The following KIF6 variants were observed in gnomAD, a reference collection of about 807,000 sequenced individuals.
The protein encoded by KIF6 is kinesin family member 6, also known as kinesin-like protein KIF6.
Under a neutral mutation model 112.7 loss-of-function variants are expected in KIF6, and 106 were observed. The observed-to-expected ratio is 0.94, with a 90% CI of 0.80 to 1.11. The LOEUF (loss-of-function observed/expected upper bound fraction) is 1.11. Among genes scored for constraint, KIF6 ranks in the 50% least tolerant of loss-of-function variants. The pLI, the probability that KIF6 is intolerant of heterozygous loss-of-function variation, is 0.00. For missense variants in KIF6, 929 were observed against 964.0 expected (o/e 0.96, Z 0.48); for synonymous variants, 339 against 339.9 (o/e 1.00, Z 0.03).
At chr6:39,397,123 C>T (rs1381553281) in intron 15 of KIF6, among the ~76,000 whole-genome samples, 1 of 152,072 alleles carries the variant, frequency 6.6e-6, no homozygotes, top group Non-Finnish European at 1.5e-5. Context: ...TCGCTGACTC[C>T]AACTTTTTAC....
chr6:39,692,192 C>G (rs1380205688), intron 3 of KIF6, among the ~76,000 whole-genome samples: 2 of 152,170 alleles, frequency 1.3e-5, no homozygotes, highest in Admixed American at 1.3e-4. Context: ...CAGGAAATAA[C>G]TCTTTACTGT....
intron 15 of KIF6, among the ~76,000 whole-genome samples, chr6:39,386,845 C>T (rs921250020): frequency 6.6e-6 from 1 of 152,138 alleles, no homozygotes; most frequent in African/African-American, 2.4e-5. Context: ...TGGCATGTCC[C>T]ATTTGGGGGA....
intron 19 of KIF6, among the ~76,000 whole-genome samples, chr6:39,354,683 C>G (rs1176318133): frequency 6.6e-6 from 1 of 152,164 alleles, no homozygotes; most frequent in Non-Finnish European, 1.5e-5. Flanking sequence ...TGGGAAAGCC[C>G]TTGAGAGAGT....
chr6:39,528,635 G>T (rs1777873549), intron 13 of KIF6, among the ~76,000 whole-genome samples: 1 of 152,148 alleles, frequency 6.6e-6, no homozygotes, highest in Non-Finnish European at 1.5e-5. Context: ...CCCAACACTT[G>T]TCATCTCTTG....
At chr6:39,368,784 G>T (rs899766127) in intron 16 of KIF6, among the ~76,000 whole-genome samples, 1 of 152,226 alleles carries the variant, frequency 6.6e-6, no homozygotes, top group African/African-American at 2.4e-5. Context: ...AGAAGATGAT[G>T]TTGAAATTTC....
chr6:39,364,258 G>A (rs1446094193), intron 16 of KIF6, among the ~76,000 whole-genome samples: 1 of 151,894 alleles, frequency 6.6e-6, no homozygotes, highest in Non-Finnish European at 1.5e-5. Flanking sequence ...GTGTGGTAGT[G>A]GTATGGTGCA....
chr6:39,631,678 T>A (rs1582317039), intron 5 of KIF6, among the ~76,000 whole-genome samples: 1 of 152,046 alleles, frequency 6.6e-6, no homozygotes, highest in African/African-American at 2.4e-5. Context: ...TTTTTGAGCC[T>A]ATGTTCATGA....
At chr6:39,525,618 G>T (rs1356615246) in intron 13 of KIF6, among the ~76,000 whole-genome samples, 1 of 151,944 alleles carries the variant, frequency 6.6e-6, no homozygotes, top group Admixed American at 6.6e-5. Flanking sequence ...AGCTGGGCAT[G>T]GTGGTGGGTA....
chr6:39,496,126 T>G (rs1183588097), intron 13 of KIF6, among the ~76,000 whole-genome samples: 2 of 152,236 alleles, frequency 1.3e-5, no homozygotes, highest in East Asian at 3.9e-4. Flanking sequence ...CTAAACTGCC[T>G]GCTCTGCTTC....
At chr6:39,620,433 A>G (rs905821010) in intron 5 of KIF6, 9 of 152,204 alleles carry the variant, frequency 5.9e-5, no homozygotes, top group Non-Finnish European at 5.9e-5. Flanking sequence ...TAATTCTGGA[A>G]AACCATAGCA....
chr6:39,666,828 C>T (rs552938826), intron 3 of KIF6, among the ~76,000 whole-genome samples: 15 of 152,258 alleles, frequency 9.9e-5, no homozygotes, highest in Middle Eastern at 3.4e-3. Context: ...TTGCAGCACT[C>T]GTATTTGAAG....
At chr6:39,512,467 A>G (rs547730818) in intron 13 of KIF6, among the ~76,000 whole-genome samples, 1 of 152,250 alleles carries the variant, frequency 6.6e-6, no homozygotes, top group Non-Finnish European at 1.5e-5. Flanking sequence ...TGTCTTGACC[A>G]TGGTAGGCTG....
intron 14 of KIF6, among the ~76,000 whole-genome samples, chr6:39,423,664 T>C (rs997995553): frequency 6.6e-6 from 1 of 152,042 alleles, no homozygotes; most frequent in Non-Finnish European, 1.5e-5. Flanking sequence ...ACCTCCCCTG[T>C]TTTTCCTGTT....
At chr6:39,689,224 G>T (rs887315953) in intron 3 of KIF6, among the ~76,000 whole-genome samples, 16 of 152,190 alleles carry the variant, frequency 1.1e-4, no homozygotes, top group Non-Finnish European at 2.9e-5. Flanking sequence ...GCAAAATGCA[G>T]CTGGGTGCGG....
chr6:39,415,850 G>T (rs1380594753), intron 15 of KIF6, among the ~76,000 whole-genome samples: 2 of 151,944 alleles, frequency 1.3e-5, no homozygotes, highest in Non-Finnish European at 2.9e-5. Flanking sequence ...GTCAAATGGT[G>T]GGTTGGGGGG....
At chr6:39,663,129 A>T (rs1786262411) in intron 3 of KIF6, among the ~76,000 whole-genome samples, 1 of 152,142 alleles carries the variant, frequency 6.6e-6, no homozygotes, top group Non-Finnish European at 1.5e-5. Flanking sequence ...CTTGGACTCA[A>T]GTGATCCACT....
intron 16 of KIF6, among the ~76,000 whole-genome samples, chr6:39,377,221 T>A (rs1766511596): frequency 6.6e-6 from 1 of 152,210 alleles, no homozygotes; most frequent in Non-Finnish European, 1.5e-5. Flanking sequence ...GCTAATTTTT[T>A]AATCTTTTCT....
chr6:39,343,223 C>T lies in KIF6; in HGVS notation c.2428+486G>A. 5 of 1,234,114 alleles carry T rather than the reference C, an allele frequency of 4.1e-6. No homozygotes were observed. The highest frequency in any genetic ancestry group is 5.2e-6 in the Non-Finnish European group (5 of 964,462). The allele number at this position is 1,234,114 out of a possible 1,614,324, so 76.4% of individuals were successfully genotyped here. The stretch of plus-strand genomic sequence containing the variant: ...GTTGTCTGACACGCCACTCTTACTT[C>T]CTCTGTGATTGTTATGGTGTCCTCG... On this transcript the variant is annotated intron_variant, in intron 22 of 22. Transcript: ENST00000287152. The surrounding 1 kb of genome is among the most constrained non-coding windows in gnomAD (Gnocchi z 4.1).
At chr6:39,573,638 T>C (rs536481793) in intron 10 of KIF6, among the ~76,000 whole-genome samples, 1 of 152,224 alleles carries the variant, frequency 6.6e-6, no homozygotes, top group Non-Finnish European at 1.5e-5. Context: ...CAATGATACA[T>C]AGCACACTTC....
Sources: allele counts gnomAD v4.1 joint callset (sites outside exome capture counted in the v4.1 genomes callset), GRCh38; gene constraint gnomAD v4.1.1; non-coding constraint Gnocchi (gnomAD v3.1); transcripts MANE v1.5; gene names NCBI Gene and HGNC (gene_info 2026-07-23, HGNC 2026-07-21).